The following OPCML variants were observed in gnomAD, a reference collection of about 807,000 sequenced individuals.
OPCML encodes opioid-binding protein/cell adhesion molecule.
A neutral mutation model predicts 37.8 loss-of-function variants in OPCML; 13 were observed. The ratio of observed to expected loss-of-function variants is 0.34; its 90% CI spans 0.22 to 0.55. OPCML has a LOEUF of 0.55. Among genes scored for constraint, OPCML ranks in the 20% least tolerant of loss-of-function variants. The pLI, the probability that OPCML is intolerant of heterozygous loss-of-function variation, is 0.91. For missense variants in OPCML, 341 were observed against 435.6 expected (o/e 0.78, Z 1.93); for synonymous variants, 176 against 168.8 (o/e 1.04, Z -0.33).
chr11:132,416,241 C>T lies in OPCML; in HGVS notation c.*3952G>A, dbSNP rs1303510880. On this transcript the variant is annotated 3_prime_UTR_variant, in exon 8 of 8. Coordinates refer to ENST00000524381, the MANE Select transcript of OPCML (RefSeq NM_001012393.5). ...TGGACTGGTTTTAGGTAATGCATAG[C>T]CAGTTTTTCTTTCTCAAGATCAAAG... 2.0e-5 allele frequency: 3 copies of T among 152,130 alleles called. No homozygotes were observed. Among genetic ancestry groups the T allele is most frequent in the Non-Finnish European group, 4.4e-5 (3 of 68,026 alleles). The allele number at this position is 152,130 out of a possible 1,614,324, so 9.4% of individuals were successfully genotyped here.
chr11:132,496,147 C>T (rs994645009), intron 4 of OPCML, among the ~76,000 whole-genome samples: 2 of 152,088 alleles, frequency 1.3e-5, no homozygotes, highest in Non-Finnish European at 2.9e-5. Flanking sequence ...AGAGGCTGTG[C>T]GTATCATACT....
intron 2 of OPCML, among the ~76,000 whole-genome samples, chr11:132,838,403 A>G (rs1236814642): frequency 2.0e-5 from 3 of 152,232 alleles, no homozygotes; most frequent in Non-Finnish European, 4.4e-5. Context: ...TAGTTAAGAA[A>G]AGTAGTTCCA....
At chr11:133,086,645 A>G (rs1468202900) in intron 1 of OPCML, among the ~76,000 whole-genome samples, 2 of 152,162 alleles carry the variant, frequency 1.3e-5, no homozygotes, top group African/African-American at 4.8e-5. Context: ...CAAATTAAGG[A>G]ACACATTCAT....
intron 1 of OPCML, among the ~76,000 whole-genome samples, chr11:133,152,486 C>G (rs903750967): frequency 7.2e-5 from 11 of 151,996 alleles, no homozygotes; most frequent in African/African-American, 2.7e-4. Context: ...TAATTGCCGG[C>G]CTCTTTCATA....
intron 3 of OPCML, among the ~76,000 whole-genome samples, chr11:132,650,693 A>C (rs1312678340): frequency 6.6e-6 from 1 of 152,178 alleles, no homozygotes; most frequent in Non-Finnish European, 1.5e-5. Context: ...CCCCATGTTA[A>C]TAAGCCAGGA....
intron 3 of OPCML, among the ~76,000 whole-genome samples, chr11:132,618,436 T>C (rs372005856): frequency 6.6e-6 from 1 of 152,068 alleles, no homozygotes; most frequent in African/African-American, 2.4e-5. Context: ...CCGGGAGGCG[T>C]AGGTTGCAGT....
chr11:132,869,457 G>A (rs1197019170), intron 2 of OPCML, among the ~76,000 whole-genome samples: 4 of 152,038 alleles, frequency 2.6e-5, no homozygotes, highest in Non-Finnish European at 5.9e-5. Context: ...GGTAAATATC[G>A]AACACCTACA....
intron 3 of OPCML, among the ~76,000 whole-genome samples, chr11:132,591,857 A>G (rs1202819561): frequency 6.6e-6 from 1 of 152,222 alleles, no homozygotes; most frequent in African/African-American, 2.4e-5. Flanking sequence ...GTGTGTATAA[A>G]GATAGGAAGA....
chr11:133,236,755 C>T (rs1940535500), intron 1 of OPCML, among the ~76,000 whole-genome samples: 1 of 152,230 alleles, frequency 6.6e-6, no homozygotes, highest in African/African-American at 2.4e-5. Context: ...CCTTTCTCAG[C>T]ATTCTACAAG....
chr11:133,471,835 G>A (rs968432066), intron 1 of OPCML, among the ~76,000 whole-genome samples: 3 of 152,172 alleles, frequency 2.0e-5, no homozygotes, highest in Admixed American at 6.5e-5. Flanking sequence ...GACAGAGGGA[G>A]TAGAGAAAAG....
intron 3 of OPCML, among the ~76,000 whole-genome samples, chr11:132,533,314 G>T (rs1212005577): frequency 6.6e-6 from 1 of 152,118 alleles, no homozygotes; most frequent in Non-Finnish European, 1.5e-5. Context: ...GGTCATTTTG[G>T]ATAGATGACA....
intron 2 of OPCML, among the ~76,000 whole-genome samples, chr11:132,897,869 G>C (rs1030635013): frequency 6.6e-6 from 1 of 152,186 alleles, no homozygotes; most frequent in Admixed American, 6.5e-5. Context: ...TATGTGGATA[G>C]ATCTCTCTGA....
At chr11:132,423,994 G>T (rs761064697) in intron 7 of OPCML, among the ~76,000 whole-genome samples, 1 of 152,102 alleles carries the variant, frequency 6.6e-6, no homozygotes, top group Non-Finnish European at 1.5e-5. Flanking sequence ...CCAGGTACTT[G>T]GTACCCAAGA....
chr11:132,809,951 G>C (rs980086833), intron 2 of OPCML, among the ~76,000 whole-genome samples: 3 of 152,154 alleles, frequency 2.0e-5, no homozygotes, highest in Admixed American at 2.0e-4. Flanking sequence ...CCGGGTTCAC[G>C]CCATTCTCCT....
rs750198533 is a variant in OPCML, at chr11:133,205,597, G to T, written c.62-262587C>A. Among the ~76,000 whole-genome samples the T allele has an allele frequency of 1.2e-4, 19 of 152,170 alleles. No individual in the cohort carries two copies. The highest frequency in any genetic ancestry group is 2.2e-4 in the Non-Finnish European group (15 of 68,024). ...TCAGAATTGAATTGAATTGGAGAACGCCCAGTCCTCACGATCATTGCTCAG... is the reference window on the plus strand; with the variant it reads ...TCAGAATTGAATTGAATTGGAGAACTCCCAGTCCTCACGATCATTGCTCAG... On this transcript the variant is annotated intron_variant, in intron 1 of 7. Coordinates refer to ENST00000524381, the MANE Select transcript of OPCML (RefSeq NM_001012393.5). This position sits in a 1 kb window ranked among gnomAD's most constrained non-coding sequence, Gnocchi z 4.8.
At chr11:132,855,613 T>A (rs1354667826) in intron 2 of OPCML, among the ~76,000 whole-genome samples, 1 of 152,172 alleles carries the variant, frequency 6.6e-6, no homozygotes, top group Non-Finnish European at 1.5e-5. Context: ...ATTTTAGCCA[T>A]GTGAGTGAGC....
intron 4 of OPCML, among the ~76,000 whole-genome samples, chr11:132,510,436 ATAT>A (rs1241046694): frequency 6.6e-6 from 1 of 152,120 alleles, no homozygotes; most frequent in East Asian, 1.9e-4. Flanking sequence ...GGGCAGAGTA[ATAT>A]TATTTGGCTT....
chr11:132,630,235 T>C (rs1940009512), intron 3 of OPCML, among the ~76,000 whole-genome samples: 1 of 152,180 alleles, frequency 6.6e-6, no homozygotes, highest in Non-Finnish European at 1.5e-5. Flanking sequence ...CTGTTATTTA[T>C]GACAATAAGG....
chr11:133,016,038 T>C (rs1433792071), intron 1 of OPCML, among the ~76,000 whole-genome samples: 1 of 152,214 alleles, frequency 6.6e-6, no homozygotes, highest in Non-Finnish European at 1.5e-5. Context: ...CTGTACATCC[T>C]CAGCCTCTCT....
Sources: gnomAD v4.1 joint callset for allele counts (sites outside exome capture counted in the v4.1 genomes callset) on GRCh38, gnomAD v4.1.1 for gene constraint, Gnocchi (gnomAD v3.1) non-coding constraint, MANE v1.5 for transcripts, NCBI Gene and HGNC (gene_info 2026-07-23, HGNC 2026-07-21) for gene names.